Variants in ARHGAP32 observed in about 807,000 individuals in gnomAD.
ARHGAP32 encodes the protein rho GTPase-activating protein 32.
In ARHGAP32, 51 loss-of-function variants were observed where a neutral mutation model predicts 186.5. The observed-to-expected ratio is 0.27, with a 90% CI of 0.22 to 0.35. The LOEUF is 0.35. Ranked by LOEUF, ARHGAP32 falls within the 10% of genes least tolerant of loss-of-function variation. ARHGAP32 has a pLI of 1.00. For synonymous variants in ARHGAP32, 950 were observed against 964.3 expected (o/e 0.99, Z 0.27); for missense variants, 2,186 against 2,623.5 (o/e 0.83, Z 3.64).
chr11:129,203,757 C>A (rs1944484857), intron 1 of ARHGAP32, among the ~76,000 whole-genome samples: 1 of 148,404 alleles, frequency 6.7e-6, no homozygotes, highest in Admixed American at 6.7e-5. Flanking sequence ...GAAAAATTAG[C>A]TGGGCATGGT....
chr11:129,254,932 T>C (rs888345851), intron 1 of ARHGAP32, among the ~76,000 whole-genome samples: 4 of 152,150 alleles, frequency 2.6e-5, no homozygotes, highest in Non-Finnish European at 5.9e-5. Flanking sequence ...ATTAAGAGGC[T>C]AGAAGTCTAG....
At chr11:129,108,852 C>T (rs1565426354) in intron 5 of ARHGAP32, among the ~76,000 whole-genome samples, 1 of 152,050 alleles carries the variant, frequency 6.6e-6, no homozygotes, top group Non-Finnish European at 1.5e-5. Flanking sequence ...GCACAGAAAG[C>T]GTCATTACCA....
intron 1 of ARHGAP32, among the ~76,000 whole-genome samples, chr11:129,244,340 T>C (rs1945058554): frequency 6.6e-6 from 1 of 152,234 alleles, no homozygotes; most frequent in Non-Finnish European, 1.5e-5. Context: ...TCTGCATATA[T>C]GGTTAGTTCC....
intron 1 of ARHGAP32, among the ~76,000 whole-genome samples, chr11:129,273,020 G>A (rs1196895530): frequency 2.6e-5 from 4 of 152,184 alleles, no homozygotes; most frequent in African/African-American, 9.6e-5. Context: ...ATCAAAGACA[G>A]AATGACCAAA....
intron 6 of ARHGAP32, among the ~76,000 whole-genome samples, chr11:129,092,911 G>A (rs1941618320): frequency 6.6e-6 from 1 of 151,950 alleles, no homozygotes; most frequent in Non-Finnish European, 1.5e-5. Flanking sequence ...TAGGCAAAAA[G>A]CTCAAAGAAT....
intron 1 of ARHGAP32, among the ~76,000 whole-genome samples, chr11:129,257,584 G>T (rs1275530703): frequency 6.6e-6 from 1 of 151,500 alleles, no homozygotes; most frequent in Non-Finnish European, 1.5e-5. Flanking sequence ...GTCCAGACTG[G>T]GCAACATAAC....
chr11:129,052,189 T>C (rs994467112), intron 10 of ARHGAP32, among the ~76,000 whole-genome samples: 6 of 152,168 alleles, frequency 3.9e-5, no homozygotes, highest in African/African-American at 7.2e-5. Flanking sequence ...CTTTTGAACT[T>C]TGCTGAAAAT....
At chr11:129,213,836 G>A (rs1944611849) in intron 1 of ARHGAP32, among the ~76,000 whole-genome samples, 1 of 150,964 alleles carries the variant, frequency 6.6e-6, no homozygotes, top group African/African-American at 2.4e-5. Flanking sequence ...AATGAGGTCA[G>A]GAAGAGACAG....
chr11:129,162,923 A>AT lies in ARHGAP32; in HGVS notation c.225+1395dup, dbSNP rs201979073. Among the ~76,000 whole-genome samples, 841 of 152,216 alleles carry AT rather than the reference A, an allele frequency of 5.5e-3. 10 individuals are homozygous for AT. The highest frequency in any genetic ancestry group is 0.019 in the African/African-American group (804 of 41,536). On this transcript the variant is annotated intron_variant, in intron 2 of 22. Coordinates refer to ENST00000682385, the MANE Select transcript of ARHGAP32 (RefSeq NM_001378024.1). ...ATTCCCATACAAATGTGTAGTGAAT[A>AT]TTTTTTTCTGAGCTCAAACTACAGG...
chr11:129,130,387 CAA>C (rs796488711), intron 2 of ARHGAP32, among the ~76,000 whole-genome samples: 9 of 151,446 alleles, frequency 5.9e-5, no homozygotes, highest in African/African-American at 1.9e-4. Flanking sequence ...AAAATAAACA[CAA>C]TAATAAATCT....
chr11:129,279,176 G>C (rs1488634693), exon 1 of ARHGAP32: 1 of 144,682 alleles, frequency 6.9e-6, no homozygotes, highest in Non-Finnish European at 1.5e-5. Context: ...CGCCGCCGCG[G>C]CGTCCCTGCG....
Position 129,192,116 on chromosome 11 carries a change from T to C in ARHGAP32, c.83A>G (p.Asp28Gly), listed in dbSNP as rs1161177734. ...CTCTTCCCTTTCTTCCTCTTCACAG[T>C]CAGTCACCTGGATTATAACTTCAGA... ...LESEVIIQVTDCEEEEREEKF... is the reference protein window; with the variant it reads ...LESEVIIQVTGCEEEEREEKF... Residue 28 changes from aspartate to glycine, a missense_variant, in exon 1 of 23, where the codon GAC becomes GGC. Physicochemically the swap from Asp to Gly is moderately conservative, Grantham distance 94. Around this residue, in one of 5 missense-constraint regions of ARHGAP32, gnomAD observed 108 missense variants for 116.8 expected, o/e 0.92. Coordinates refer to ENST00000682385, the MANE Select transcript of ARHGAP32 (RefSeq NM_001378024.1). 4 of 1,613,792 alleles carry C rather than the reference T, an allele frequency of 2.5e-6. No individual in the cohort carries two copies. In the South Asian group the frequency reaches 4.4e-5, roughly 18 times the overall value.
At chr11:129,230,754 T>C (rs1944847493) in intron 1 of ARHGAP32, among the ~76,000 whole-genome samples, 1 of 152,074 alleles carries the variant, frequency 6.6e-6, no homozygotes, top group African/African-American at 2.4e-5. Flanking sequence ...TCAAACATCA[T>C]ACATCAAATC....
chr11:129,043,529 C>T (rs550155140), intron 10 of ARHGAP32, among the ~76,000 whole-genome samples: 4 of 151,584 alleles, frequency 2.6e-5, no homozygotes, highest in South Asian at 2.1e-4. Context: ...TGGGATTATA[C>T]GCGTGCGCCA....
chr11:129,170,117 T>C (rs187003048), intron 1 of ARHGAP32, among the ~76,000 whole-genome samples: 58 of 151,826 alleles, frequency 3.8e-4, no homozygotes, highest in Middle Eastern at 6.8e-3. Context: ...AAATGCAAAT[T>C]GATTAAACGT....
At chr11:129,118,122 A>C (rs373949878) in intron 5 of ARHGAP32, among the ~76,000 whole-genome samples, 194 of 152,196 alleles carry the variant, frequency 1.3e-3, no homozygotes, top group African/African-American at 4.5e-3. Flanking sequence ...GAAAATATCC[A>C]AACTTAAATG....
intron 22 of ARHGAP32, 46 bp downstream of exon 22, chr11:128,972,407 T>C: frequency 1.3e-6 from 2 of 1,490,248 alleles, no homozygotes; most frequent in Non-Finnish European, 1.8e-6. Context: ...GTGACATACC[T>C]TTGGTAATAG....
At chr11:129,096,349 C>A (rs141630670) in intron 5 of ARHGAP32, among the ~76,000 whole-genome samples, 1 of 152,244 alleles carries the variant, frequency 6.6e-6, no homozygotes, top group Non-Finnish European at 1.5e-5. Context: ...CACCAGGAAT[C>A]GATCTTTCCA....
chr11:129,133,909 G>T (rs185176900), intron 2 of ARHGAP32, among the ~76,000 whole-genome samples: 1 of 152,314 alleles, frequency 6.6e-6, no homozygotes, highest in Admixed American at 6.5e-5. Flanking sequence ...ATATGTGCCA[G>T]TTGAAAGCAC....
Sources: gnomAD v4.1 joint callset for allele counts (sites outside exome capture counted in the v4.1 genomes callset) on GRCh38, gnomAD v4.1.1 for gene constraint, gnomAD v4.1.1 regional missense constraint, MANE v1.5 for transcripts, NCBI Gene and HGNC (gene_info 2026-07-23, HGNC 2026-07-21) for gene names.